Variants in SCD5 observed in about 807,000 individuals in gnomAD.
SCD5 encodes acyl-CoA-desaturase 4.
Under a neutral mutation model 30.4 loss-of-function variants are expected in SCD5, and 20 were observed. The ratio of observed to expected loss-of-function variants is 0.66; its 90% CI spans 0.46 to 0.96. SCD5 has a LOEUF of 0.96. Ranked by LOEUF, SCD5 falls within the 40% of genes least tolerant of loss-of-function variation. The pLI is 0.00. For missense variants in SCD5, 381 were observed against 443.3 expected (o/e 0.86, Z 1.26); for synonymous variants, 173 against 176.4 (o/e 0.98, Z 0.16).
chr4:82,746,782 G>A lies in SCD5; in HGVS notation c.233-41369C>T, dbSNP rs146207024. 5.0e-3 allele frequency among the ~76,000 whole-genome samples: 762 copies of A among 152,088 alleles called. 5 individuals are homozygous for A. Among genetic ancestry groups the A allele is most frequent in the African/African-American group, 0.017 (710 of 41,492 alleles). On this transcript the variant is annotated intron_variant, in intron 1 of 4. Transcript: ENST00000319540. The stretch of plus-strand genomic sequence containing the variant: ...AGGGAGGTGCTGAGTAGAGAAGAGC[G>A]GGGTCCCTGGCAAGGGCTCCACCCT...
intron 3 of SCD5, chr4:82,659,793 T>C (rs1727944209): frequency 6.6e-6 from 1 of 152,166 alleles, no homozygotes; most frequent in South Asian, 2.1e-4. Context: ...TTGAGAAGAA[T>C]GTATATTCTG....
At chr4:82,754,075 G>C (rs1016286413) in intron 1 of SCD5, among the ~76,000 whole-genome samples, 2 of 152,134 alleles carry the variant, frequency 1.3e-5, no homozygotes, top group African/African-American at 4.8e-5. Flanking sequence ...CCTGAGAAAG[G>C]GGCAAGGCTG....
intron 1 of SCD5, among the ~76,000 whole-genome samples, chr4:82,708,263 A>G (rs1282115277): frequency 1.3e-5 from 2 of 152,262 alleles, no homozygotes; most frequent in African/African-American, 4.8e-5. Flanking sequence ...TCCATTATTT[A>G]AAGAAACAAT....
At chr4:82,705,249 G>A in intron 2 of SCD5, 34 bp downstream of exon 2, 2 of 1,611,240 alleles carry the variant, frequency 1.2e-6, no homozygotes, top group Non-Finnish European at 1.7e-6. Flanking sequence ...TCTGCACTGG[G>A]TCTCCCAACA....
chr4:82,727,734 T>G (rs1720537551), intron 1 of SCD5, among the ~76,000 whole-genome samples: 1 of 152,196 alleles, frequency 6.6e-6, no homozygotes, highest in South Asian at 2.1e-4. Flanking sequence ...TGAGACAGTG[T>G]CTCACTCTGT....
intron 3 of SCD5, among the ~76,000 whole-genome samples, chr4:82,649,559 G>A (rs1727702928): frequency 6.6e-6 from 1 of 152,140 alleles, no homozygotes; most frequent in Non-Finnish European, 1.5e-5. Flanking sequence ...TTCTGTGGCT[G>A]GATTCTGAAT....
At chr4:82,754,579 T>C (rs1172078341) in intron 1 of SCD5, among the ~76,000 whole-genome samples, 2 of 150,158 alleles carry the variant, frequency 1.3e-5, no homozygotes, top group African/African-American at 4.9e-5. Context: ...ACCTGCTCAG[T>C]GCTGCTATTT....
intron 3 of SCD5, among the ~76,000 whole-genome samples, chr4:82,653,707 T>TAGATAGATAGATATAGATAG (rs34976357): frequency 2.4e-4 from 15 of 61,654 alleles, no homozygotes; most frequent in African/African-American, 7.1e-4. Context: ...GATAGATAGA[T>TAGATAGATAGATATAGATAG]ATAGATAGAT....
chr4:82,735,627 A>T (rs1284414400), intron 1 of SCD5, among the ~76,000 whole-genome samples: 1 of 152,172 alleles, frequency 6.6e-6, no homozygotes, highest in Non-Finnish European at 1.5e-5. Flanking sequence ...CAATTTTCTC[A>T]TTGCAAACAC....
intron 3 of SCD5, among the ~76,000 whole-genome samples, chr4:82,677,285 T>C (rs1460753365): frequency 3.9e-5 from 6 of 152,158 alleles, no homozygotes; most frequent in Admixed American, 6.5e-5. Context: ...TCTAGGAAAG[T>C]CATACAAGAG....
At chr4:82,658,420 G>A (rs1442340542) in intron 3 of SCD5, among the ~76,000 whole-genome samples, 3 of 151,006 alleles carry the variant, frequency 2.0e-5, no homozygotes, top group Admixed American at 6.6e-5. Context: ...TATGTTGAAC[G>A]AGCCTTGCAT....
rs116370934 is a variant in SCD5 at position 82,642,871 on chromosome 4, C to T, written c.570-6048G>A. 9.0e-3 allele frequency among the ~76,000 whole-genome samples: 1,373 copies of T among 152,314 alleles called. 22 individuals are homozygous for T. Among genetic ancestry groups the T allele is most frequent in the African/African-American group, 0.031 (1,305 of 41,576 alleles). ...ATGGTAGCTTCCCTTTATTCTTCCT[C>T]GTCCCATCCTTTCTTTCTGGCTGGA... On this transcript the variant is annotated intron_variant, in intron 3 of 4. Transcript: ENST00000319540.
intron 1 of SCD5, among the ~76,000 whole-genome samples, chr4:82,785,397 T>A (rs987335468): frequency 2.0e-5 from 3 of 152,188 alleles, no homozygotes; most frequent in African/African-American, 7.2e-5. Context: ...GGAATCTACA[T>A]AACAAGCCTT....
In SCD5 at chr4:82,706,507, G is replaced by A. The variant is rs140354242; in HGVS notation, c.233-1094C>T. ...CCTGTACTGTGCAGTAGTGGCTGTC[G>A]GTTTCCCATGGTCCTTCTAACAACT... On this transcript the variant is annotated intron_variant, in intron 1 of 4. Transcript: ENST00000319540. 4.6e-3 allele frequency among the ~76,000 whole-genome samples: 702 copies of A among 152,328 alleles called. 3 individuals carry two copies. Among genetic ancestry groups the A allele is most frequent in the African/African-American group, 0.012 (512 of 41,558 alleles).
intron 1 of SCD5, among the ~76,000 whole-genome samples, chr4:82,715,152 G>A (rs1336705966): frequency 2.0e-5 from 3 of 151,102 alleles, no homozygotes; most frequent in African/African-American, 4.9e-5. Flanking sequence ...CACGAGAATT[G>A]CTTGAACCCA....
intron 1 of SCD5, among the ~76,000 whole-genome samples, chr4:82,756,431 T>C (rs1721235435): frequency 6.6e-6 from 1 of 152,074 alleles, no homozygotes; most frequent in Non-Finnish European, 1.5e-5. Flanking sequence ...TTCTTATCTA[T>C]AAAACCTCTT....
intron 1 of SCD5, among the ~76,000 whole-genome samples, chr4:82,744,509 G>C (rs1007306815): frequency 6.6e-6 from 1 of 152,176 alleles, no homozygotes; most frequent in African/African-American, 2.4e-5. Context: ...GGTATCTGTT[G>C]GCTTAAAGCC....
intron 4 of SCD5, among the ~76,000 whole-genome samples, chr4:82,633,318 C>G (rs1438477127): frequency 6.6e-6 from 1 of 152,154 alleles, no homozygotes; most frequent in Non-Finnish European, 1.5e-5. Flanking sequence ...AGGATTTTCT[C>G]TTTTTTAAGG....
intron 1 of SCD5, among the ~76,000 whole-genome samples, chr4:82,796,177 G>A (rs1467326821): frequency 3.3e-5 from 5 of 151,958 alleles, no homozygotes; most frequent in South Asian, 2.1e-4. Flanking sequence ...GGCTGAAGCA[G>A]GAGAATGGTG....
Sources: gnomAD v4.1 joint callset for allele counts (sites outside exome capture counted in the v4.1 genomes callset) on GRCh38, gnomAD v4.1.1 for gene constraint, MANE v1.5 for transcripts, NCBI Gene and HGNC (gene_info 2026-07-23, HGNC 2026-07-21) for gene names.